The following LINGO2 variants were observed in gnomAD, a reference collection of about 807,000 sequenced individuals.
LINGO2 encodes leucine-rich repeat and immunoglobulin-like domain-containing nogo receptor-interacting protein 2.
In LINGO2, 14 loss-of-function variants were observed where a neutral mutation model predicts 30.6. The ratio of observed to expected loss-of-function variants is 0.46; its 90% CI spans 0.30 to 0.72. LINGO2 has a LOEUF of 0.72. LINGO2 is among the 30% of genes least tolerant of loss of function. LINGO2 has a pLI of 0.07. For synonymous variants in LINGO2, 317 were observed against 288.5 expected (o/e 1.10, Z -1.00); for missense variants, 729 against 751.7 (o/e 0.97, Z 0.35).
intron 4 of LINGO2, among the ~76,000 whole-genome samples, chr9:28,159,197 T>G (rs1425659194): frequency 1.3e-5 from 2 of 152,222 alleles, no homozygotes; most frequent in Non-Finnish European, 2.9e-5. Flanking sequence ...AGAATTTTAG[T>G]TTGTTTTTAT....
intron 3 of LINGO2, among the ~76,000 whole-genome samples, chr9:28,326,056 G>C (rs79538130): frequency 0.014 from 2,116 of 152,274 alleles, 38 homozygotes; most frequent in African/African-American, 0.049. Flanking sequence ...GCTTAGGCTG[G>C]AGTGCAGTGG....
At chr9:28,549,520 T>C (rs528824575) in intron 1 of LINGO2, among the ~76,000 whole-genome samples, 2 of 152,150 alleles carry the variant, frequency 1.3e-5, no homozygotes, top group Non-Finnish European at 2.9e-5. Flanking sequence ...TGTTCATCTA[T>C]GCTTTTACTA....
At chr9:28,146,761 C>T (rs998199979) in intron 4 of LINGO2, among the ~76,000 whole-genome samples, 30 of 152,108 alleles carry the variant, frequency 2.0e-4, no homozygotes, top group Non-Finnish European at 4.4e-5. Flanking sequence ...AATAGTTGAC[C>T]GAGCTGTCAT....
intron 2 of LINGO2, among the ~76,000 whole-genome samples, chr9:28,407,361 C>T (rs1822557351): frequency 6.6e-6 from 1 of 152,062 alleles, no homozygotes; most frequent in Non-Finnish European, 1.5e-5. Flanking sequence ...CTCAGCAAGG[C>T]AGGGCTGAAA....
chr9:28,828,285 A>G, the LINGO2 span, among the ~76,000 whole-genome samples: 1 of 152,050 alleles, frequency 6.6e-6, no homozygotes, highest in Admixed American at 6.6e-5. Flanking sequence ...TAATGGTTTT[A>G]AAAGCACAAA....
the LINGO2 span, among the ~76,000 whole-genome samples, chr9:28,891,054 G>A: frequency 3.3e-5 from 5 of 151,956 alleles, no homozygotes; most frequent in Non-Finnish European, 7.4e-5. Context: ...ATAATAAAAC[G>A]TAGGTTATTT....
At chr9:28,489,310 C>T (rs1826292390) in intron 1 of LINGO2, among the ~76,000 whole-genome samples, 1 of 152,128 alleles carries the variant, frequency 6.6e-6, no homozygotes, top group African/African-American at 2.4e-5. Context: ...GCTGGGACTA[C>T]AGGCATGGAC....
At chr9:28,883,650 A>ATTATG in the LINGO2 span, among the ~76,000 whole-genome samples, 3 of 129,438 alleles carry the variant, frequency 2.3e-5, no homozygotes, top group African/African-American at 8.5e-5. Context: ...ATATATATAT[A>ATTATG]TATATATATA....
chr9:29,205,985 T>C, the LINGO2 span, among the ~76,000 whole-genome samples: 1 of 152,338 alleles, frequency 6.6e-6, no homozygotes, highest in East Asian at 1.9e-4. Flanking sequence ...TCACATGGTG[T>C]TTTTTGTTAC....
chr9:29,072,585 G>T, the LINGO2 span, among the ~76,000 whole-genome samples: 1 of 135,902 alleles, frequency 7.4e-6, no homozygotes, highest in Admixed American at 7.4e-5. Context: ...TAATAATTAG[G>T]GGAGAGATAT....
chr9:28,348,166 A>G (rs531232074), intron 3 of LINGO2, among the ~76,000 whole-genome samples: 18 of 152,318 alleles, frequency 1.2e-4, no homozygotes, highest in Non-Finnish European at 2.2e-4. Flanking sequence ...GAATAGGAAC[A>G]GCTCCAGTCT....
intron 4 of LINGO2, among the ~76,000 whole-genome samples, chr9:28,109,954 A>C (rs1429081616): frequency 6.6e-6 from 1 of 152,218 alleles, no homozygotes; most frequent in Non-Finnish European, 1.5e-5. Flanking sequence ...CTAAGCATAA[A>C]GAACAAAACT....
intron 4 of LINGO2, among the ~76,000 whole-genome samples, chr9:28,016,236 T>C (rs1272153334): frequency 6.6e-6 from 1 of 152,088 alleles, no homozygotes; most frequent in Admixed American, 6.6e-5. Flanking sequence ...TGGCAGTAGA[T>C]ACAATGGCAG....
upstream of LINGO2, among the ~76,000 whole-genome samples, chr9:28,675,260 A>C (rs1554654668): frequency 6.6e-6 from 1 of 152,188 alleles, no homozygotes; most frequent in Non-Finnish European, 1.5e-5. Context: ...TTAAAGTTTC[A>C]AAACTGAATG....
the LINGO2 span, among the ~76,000 whole-genome samples, chr9:28,730,588 A>G: frequency 6.6e-6 from 1 of 152,120 alleles, no homozygotes; most frequent in Admixed American, 6.5e-5. Context: ...TAGCTAGAGA[A>G]CTCTTCAAAA....
the LINGO2 span, among the ~76,000 whole-genome samples, chr9:29,200,160 C>A: frequency 6.6e-6 from 1 of 152,050 alleles, no homozygotes; most frequent in African/African-American, 2.4e-5. Flanking sequence ...CAGTGAAAAT[C>A]TGACTTAAGT....
At chr9:28,643,750 C>T (rs1436402810) in intron 1 of LINGO2, among the ~76,000 whole-genome samples, 1 of 151,768 alleles carries the variant, frequency 6.6e-6, no homozygotes, top group Non-Finnish European at 1.5e-5. Context: ...AAGAGACAAC[C>T]CACAGAATGG....
At chr9:27,965,598 G>A (rs762516516) in intron 5 of LINGO2, among the ~76,000 whole-genome samples, 1 of 151,994 alleles carries the variant, frequency 6.6e-6, no homozygotes, top group African/African-American at 2.4e-5. Context: ...GTCATTAATT[G>A]ATAGTTTCTG....
intron 1 of LINGO2, among the ~76,000 whole-genome samples, chr9:28,638,213 C>G (rs1827380781): frequency 6.6e-6 from 1 of 152,124 alleles, no homozygotes; most frequent in Non-Finnish European, 1.5e-5. Context: ...CTGCTGGATT[C>G]TTTTTGCCAG....
Sources: allele counts gnomAD v4.1 joint callset (sites outside exome capture counted in the v4.1 genomes callset), GRCh38; gene constraint gnomAD v4.1.1; transcripts MANE v1.5; gene names NCBI Gene and HGNC (gene_info 2026-07-23, HGNC 2026-07-21).